NEDD9: variants seen among roughly 807,000 people sequenced by gnomAD.
NEDD9 encodes enhancer of filamentation 1.
A neutral mutation model predicts 76.6 loss-of-function variants in NEDD9; 26 were observed. The observed-to-expected ratio is 0.34, with a 90% CI of 0.25 to 0.47. The LOEUF is 0.47. Ranked by LOEUF, NEDD9 falls within the 20% of genes least tolerant of loss-of-function variation. NEDD9 has a pLI of 1.00. For synonymous variants in NEDD9, 392 were observed against 414.2 expected, an observed-to-expected ratio of 0.95 and a Z score of 0.65; for missense variants, 937 against 1,058.5, an observed-to-expected ratio of 0.89 and a Z score of 1.59.
intron 3 of NEDD9, among the ~76,000 whole-genome samples, chr6:11,255,456 C>T (rs1371179902): frequency 6.6e-6 from 1 of 152,022 alleles, no homozygotes; most frequent in African/African-American, 2.4e-5. Flanking sequence ...TTGGCCAGGG[C>T]CTTGTGAGAG....
chr6:11,309,106 C>G (rs1423246370), intron 2 of NEDD9, among the ~76,000 whole-genome samples: 1 of 152,196 alleles, frequency 6.6e-6, no homozygotes, highest in South Asian at 2.1e-4. Context: ...CTTGGCACTC[C>G]TATACAATAA....
chr6:11,275,749 A>G (rs927602767), intron 3 of NEDD9, among the ~76,000 whole-genome samples: 32 of 152,202 alleles, frequency 2.1e-4, no homozygotes, highest in African/African-American at 7.2e-4. Flanking sequence ...GTTTACTTGT[A>G]TTAATGCTCG....
At chr6:11,380,873 A>G (rs12193099) in intron 1 of NEDD9, among the ~76,000 whole-genome samples, 40,208 of 151,926 alleles carry the variant, frequency 0.26, 6,502 homozygotes, top group East Asian at 0.54. Context: ...CAGTGGTGCA[A>G]TCATAGCTCA....
intron 2 of NEDD9, among the ~76,000 whole-genome samples, chr6:11,195,558 C>T (rs1192657942): frequency 2.0e-5 from 3 of 152,108 alleles, no homozygotes; most frequent in African/African-American, 7.2e-5. Context: ...TTGGCTTTAT[C>T]ATAGCACCTG....
At chr6:11,197,316 T>C (rs1252847949) in intron 2 of NEDD9, among the ~76,000 whole-genome samples, 1 of 152,172 alleles carries the variant, frequency 6.6e-6, no homozygotes, top group East Asian at 1.9e-4. Flanking sequence ...GGCTTAGCCT[T>C]TGGAATTACC....
chr6:11,280,672 C>T (rs1760518430), intron 3 of NEDD9, among the ~76,000 whole-genome samples: 1 of 152,246 alleles, frequency 6.6e-6, no homozygotes, highest in South Asian at 2.1e-4. Context: ...CCGTACAAGG[C>T]CACTGTGGCT....
At chr6:11,203,989 C>T (rs906999834) in intron 2 of NEDD9, among the ~76,000 whole-genome samples, 4 of 138,614 alleles carry the variant, frequency 2.9e-5, no homozygotes, top group Non-Finnish European at 4.8e-5. Flanking sequence ...AAAAAAAAAA[C>T]TCTTGATGTC....
chr6:11,215,453 C>T (rs1296814565), intron 1 of NEDD9, among the ~76,000 whole-genome samples: 1 of 152,182 alleles, frequency 6.6e-6, no homozygotes, highest in African/African-American at 2.4e-5. Context: ...AAAAATCAGG[C>T]AGCAGTTTCC....
intron 2 of NEDD9, among the ~76,000 whole-genome samples, chr6:11,310,987 A>G (rs915838489): frequency 6.6e-6 from 1 of 152,028 alleles, no homozygotes; most frequent in Admixed American, 6.6e-5. Flanking sequence ...TCCACCTGTC[A>G]CCTGCCACTG....
intron 2 of NEDD9, among the ~76,000 whole-genome samples, chr6:11,327,696 C>G (rs1761958300): frequency 6.6e-6 from 1 of 152,204 alleles, no homozygotes; most frequent in Non-Finnish European, 1.5e-5. Context: ...AAGCTGCCGT[C>G]CATTAATGTG....
At chr6:11,261,542 A>G (rs1012537425) in intron 3 of NEDD9, among the ~76,000 whole-genome samples, 2 of 152,246 alleles carry the variant, frequency 1.3e-5, no homozygotes, top group African/African-American at 4.8e-5. Context: ...TGTGCAAGTC[A>G]TTAGAAACAC....
intron 3 of NEDD9, among the ~76,000 whole-genome samples, chr6:11,296,397 T>C (rs1294045473): frequency 6.6e-6 from 1 of 152,234 alleles, no homozygotes; most frequent in African/African-American, 2.4e-5. Context: ...AGGATGGTAA[T>C]TCTCACTACA....
intron 2 of NEDD9, among the ~76,000 whole-genome samples, chr6:11,318,350 A>G (rs1214652083): frequency 6.6e-6 from 1 of 152,188 alleles, no homozygotes; most frequent in Non-Finnish European, 1.5e-5. Flanking sequence ...GAAAAATAGA[A>G]AAGAAGGAAG....
chr6:11,257,348 T>G (rs2113317008), intron 3 of NEDD9, among the ~76,000 whole-genome samples: 1 of 152,266 alleles, frequency 6.6e-6, no homozygotes, highest in African/African-American at 2.4e-5. Context: ...GGAGGCAAAA[T>G]TGCCCCTAGT....
At chr6:11,319,456 A>T (rs1055051337) in intron 2 of NEDD9, among the ~76,000 whole-genome samples, 2 of 151,618 alleles carry the variant, frequency 1.3e-5, no homozygotes, top group South Asian at 2.1e-4. Flanking sequence ...ATGTACACAC[A>T]CACTGGTACA....
intron 1 of NEDD9, among the ~76,000 whole-genome samples, chr6:11,354,990 C>G (rs1360310567): frequency 6.6e-6 from 1 of 152,214 alleles, no homozygotes; most frequent in Non-Finnish European, 1.5e-5. Context: ...GCCTGAAGCT[C>G]TTTTCTGCTA....
chr6:11,195,458 GTT>G (rs58470402), intron 2 of NEDD9, among the ~76,000 whole-genome samples: 74 of 147,946 alleles, frequency 5.0e-4, no homozygotes, highest in Admixed American at 1.0e-3. Flanking sequence ...TTATATGATT[GTT>G]TTTTTTTTTT....
chr6:11,222,555 G>A (rs1434430076), intron 1 of NEDD9, among the ~76,000 whole-genome samples: 2 of 152,224 alleles, frequency 1.3e-5, no homozygotes, highest in Admixed American at 6.5e-5. Flanking sequence ...CCGAGGTGGA[G>A]AGACAAGCTC....
chr6:11,340,813 A>T (rs1762258723), intron 1 of NEDD9, among the ~76,000 whole-genome samples: 1 of 152,202 alleles, frequency 6.6e-6, no homozygotes, highest in East Asian at 1.9e-4. Flanking sequence ...GTTAAAACCT[A>T]AATCAGTTCT....
Sources: gnomAD v4.1 joint callset for allele counts (sites outside exome capture counted in the v4.1 genomes callset) on GRCh38, gnomAD v4.1.1 for gene constraint, MANE v1.5 for transcripts, NCBI Gene and HGNC (gene_info 2026-07-23, HGNC 2026-07-21) for gene names.